Variants in ATP9A observed in about 807,000 individuals in gnomAD.
ATP9A encodes ATPase phospholipid transporting 9A.
ATP9A carries 52 observed loss-of-function variants against 144.1 expected under a neutral mutation model. The observed-to-expected ratio is 0.36, with a 90% CI of 0.29 to 0.45. The LOEUF is 0.45. ATP9A is among the 20% of genes least tolerant of loss of function. ATP9A has a pLI of 1.00. For missense variants in ATP9A, 947 were observed against 1,392.7 expected (o/e 0.68, Z 5.09); for synonymous variants, 582 against 557.4 (o/e 1.04, Z -0.62).
intron 1 of ATP9A, among the ~76,000 whole-genome samples, chr20:51,756,182 A>G (rs2077855064): frequency 1.3e-5 from 2 of 152,200 alleles, no homozygotes; most frequent in African/African-American, 4.8e-5. Context: ...ACAAGGTGTC[A>G]GCAGGGTTGG....
chr20:51,763,737 T>C (rs2077892434), intron 1 of ATP9A, among the ~76,000 whole-genome samples: 1 of 152,142 alleles, frequency 6.6e-6, no homozygotes, highest in Non-Finnish European at 1.5e-5. Flanking sequence ...ATTCAAAACT[T>C]CCTAGTCCCC....
chr20:51,695,962 A>C, intron 6 of ATP9A, 131 bp downstream of exon 6: 1 of 792,944 alleles, frequency 1.3e-6, no homozygotes, highest in Non-Finnish European at 2.1e-6. Context: ...GGTCTATTTA[A>C]AAAGATGCTT....
At position 51,622,226 on chromosome 20, in the gene ATP9A, T is replaced by C. The variant is rs1019058038; in HGVS notation, c.2017-54A>G. The C allele has an allele frequency of 4.1e-6, 6 of 1,448,064 alleles. No homozygotes were observed. The African/African-American group carries it at 8.4e-5, about 20-fold the overall frequency. The allele number at this position is 1,448,064 out of a possible 1,614,324, so 89.7% of individuals were successfully genotyped here. A position where few individuals can be genotyped will look rare whatever the true frequency, so the allele number is the denominator to read the frequency against. ...TTTATTAGTTTTTGAGGCCGGCCTG[T>C]CATCTGCAACAGCTGAGTTTCCAAC... On this transcript the variant is annotated intron_variant, in intron 18 of 27. Coordinates refer to ENST00000338821, the MANE Select transcript of ATP9A (RefSeq NM_006045.3).
intron 1 of ATP9A, among the ~76,000 whole-genome samples, chr20:51,737,469 T>C (rs1447853925): frequency 6.6e-6 from 1 of 152,206 alleles, no homozygotes; most frequent in Non-Finnish European, 1.5e-5. Flanking sequence ...TAATCTACCA[T>C]GTCACTCTTT....
intron 9 of ATP9A, among the ~76,000 whole-genome samples, chr20:51,684,238 C>G (rs865821844): frequency 6.6e-6 from 1 of 152,124 alleles, no homozygotes; most frequent in South Asian, 2.1e-4. Flanking sequence ...AACTTTAGTT[C>G]CAAAAAACAA....
chr20:51,677,368 C>T (rs919302867), intron 9 of ATP9A, among the ~76,000 whole-genome samples: 9 of 152,154 alleles, frequency 5.9e-5, no homozygotes, highest in African/African-American at 1.9e-4. Context: ...TTAAATACAG[C>T]GCCCACCCTC....
chr20:51,679,180 C>T (rs1014617962), intron 9 of ATP9A, among the ~76,000 whole-genome samples: 1 of 152,082 alleles, frequency 6.6e-6, no homozygotes, highest in African/African-American at 2.4e-5. Context: ...AAAAATCAGC[C>T]GGGCATGGTG....
intron 1 of ATP9A, among the ~76,000 whole-genome samples, chr20:51,764,264 G>A (rs1356640833): frequency 2.0e-5 from 3 of 152,190 alleles, no homozygotes; most frequent in East Asian, 1.9e-4. Flanking sequence ...GGACTCCTGC[G>A]TCCTGGCTCC....
At position 51,610,128 on chromosome 20, in the gene ATP9A, G is replaced by C; in HGVS notation, c.2609C>G (p.Pro870Arg). Reference protein sequence around the residue: ...FSSVFYFASVPLYQGFLIIGY... With the variant: ...FSSVFYFASVRLYQGFLIIGY... ...AATGATGAGGAATCCTTGATAGAGA[G>C]GGACGGAGGCAAAGTAAAACACGGA... is the stretch of plus-strand genomic sequence containing the variant. Residue 870 changes from proline (P) to arginine (R), a missense_variant, in exon 24 of 28, where the codon CCT becomes CGT. By Grantham distance (103) the Pro-to-Arg change is moderately radical. Transcript: ENST00000338821. 6.2e-7 allele frequency: 1 copy of C among 1,609,962 alleles called. No individual in the cohort carries two copies. The highest frequency in any genetic ancestry group is 8.5e-7 in the Non-Finnish European group (1 of 1,176,184).
intron 1 of ATP9A, among the ~76,000 whole-genome samples, chr20:51,754,383 A>C (rs58045158): frequency 0.2 from 29,874 of 152,052 alleles, 3,447 homozygotes; most frequent in East Asian, 0.35. Flanking sequence ...CATGCCTGTA[A>C]TCCCAGCTAC....
chr20:51,737,507 C>T (rs1202778563), intron 1 of ATP9A, among the ~76,000 whole-genome samples: 1 of 152,150 alleles, frequency 6.6e-6, no homozygotes, highest in African/African-American at 2.4e-5. Flanking sequence ...AATATATATA[C>T]ATTCAGCCTT....
intron 15 of ATP9A, among the ~76,000 whole-genome samples, chr20:51,636,922 T>G (rs1401081355): frequency 6.6e-6 from 1 of 152,160 alleles, no homozygotes; most frequent in African/African-American, 2.4e-5. Flanking sequence ...AAACCCCGTC[T>G]CTACTAATAA....
chr20:51,655,211 C>G (rs911996041), intron 14 of ATP9A, among the ~76,000 whole-genome samples: 2 of 151,978 alleles, frequency 1.3e-5, no homozygotes, highest in Non-Finnish European at 2.9e-5. Context: ...GATTAGAAAA[C>G]AGAAATGATA....
At chr20:51,607,679 A>T in intron 25 of ATP9A, 95 bp from the exon 26 acceptor site, 1 of 890,946 alleles carries the variant, frequency 1.1e-6, no homozygotes, top group Non-Finnish European at 1.8e-6. Flanking sequence ...TAACGAGATA[A>T]GGCAACCCAT....
At chr20:51,656,397 C>T (rs1223607388) in intron 14 of ATP9A, among the ~76,000 whole-genome samples, 1 of 151,894 alleles carries the variant, frequency 6.6e-6, no homozygotes, top group African/African-American at 2.4e-5. Context: ...ACTAAAAATA[C>T]AAAAAATTAG....
chr20:51,644,091 C>T (rs893686084), intron 14 of ATP9A, among the ~76,000 whole-genome samples: 3 of 151,836 alleles, frequency 2.0e-5, no homozygotes, highest in East Asian at 1.9e-4. Flanking sequence ...GCTGGGATGG[C>T]GCCATTGCAC....
intron 3 of ATP9A, among the ~76,000 whole-genome samples, chr20:51,714,644 C>T (rs538515835): frequency 4.6e-5 from 7 of 152,148 alleles, no homozygotes; most frequent in East Asian, 1.9e-4. Context: ...CTGGGATTAC[C>T]GGCGTGAGCC....
intron 17 of ATP9A, 124 bp from the exon 18 acceptor site, chr20:51,625,486 T>G (rs944159251): frequency 1.8e-6 from 2 of 1,126,824 alleles, no homozygotes; most frequent in African/African-American, 1.6e-5. Flanking sequence ...CCCCAGCAGG[T>G]GAGCTGGACC....
rs564651538 is a variant in ATP9A at position 51,611,603 on chromosome 20, A to G, written c.2572-1438T>C. ...GGGTTAAAGGCATTTTCTTTAGCAC[A>G]AAGAACAATGCCTCATCCTGGAATT... On this transcript the variant is annotated intron_variant, in intron 23 of 27. Transcript: ENST00000338821. This position sits in a 1 kb window ranked among gnomAD's most constrained non-coding sequence, Gnocchi z 4.2. Among the ~76,000 whole-genome samples, 1 of 152,356 alleles carries G rather than the reference A, an allele frequency of 6.6e-6. No homozygotes were observed. Among genetic ancestry groups the G allele is most frequent in the East Asian group, 1.9e-4 (1 of 5,188 alleles).
Sources: allele counts gnomAD v4.1 joint callset (sites outside exome capture counted in the v4.1 genomes callset), GRCh38; gene constraint gnomAD v4.1.1; non-coding constraint Gnocchi (gnomAD v3.1); transcripts MANE v1.5; gene names NCBI Gene and HGNC (gene_info 2026-07-23, HGNC 2026-07-21).